Variants in DAB2IP observed in about 807,000 individuals in gnomAD.
DAB2IP encodes the protein disabled homolog 2-interacting protein.
In DAB2IP, 28 loss-of-function variants were observed where a neutral mutation model predicts 107.2. The observed-to-expected ratio is 0.26, with a 90% CI of 0.19 to 0.36. The LOEUF (loss-of-function observed/expected upper bound fraction) is 0.36. DAB2IP is among the 10% of genes least tolerant of loss of function. DAB2IP has a pLI of 1.00. For synonymous variants in DAB2IP, 755 were observed against 706.4 expected, an observed-to-expected ratio of 1.07 and a Z score of -1.09; for missense variants, 1,400 against 1,644.7, an observed-to-expected ratio of 0.85 and a Z score of 2.57.
chr9:121,726,482 T>G (rs1214310296), intron 3 of DAB2IP, among the ~76,000 whole-genome samples: 1 of 152,228 alleles, frequency 6.6e-6, no homozygotes, highest in Non-Finnish European at 1.5e-5. Context: ...GGAAACCCAG[T>G]TGATAGCCAG....
intron 1 of DAB2IP, among the ~76,000 whole-genome samples, chr9:121,604,657 G>A (rs1301294589): frequency 6.6e-6 from 1 of 152,082 alleles, no homozygotes; most frequent in Non-Finnish European, 1.5e-5. Flanking sequence ...ACCTCCATTT[G>A]TTCTCATTGC....
intron 3 of DAB2IP, among the ~76,000 whole-genome samples, chr9:121,712,935 A>G (rs1217309303): frequency 6.6e-6 from 1 of 152,110 alleles, no homozygotes; most frequent in Admixed American, 6.6e-5. Context: ...TCCCATCCAC[A>G]CCGGCACTCC....
chr9:121,748,092 G>A (rs1291884935), intron 3 of DAB2IP, among the ~76,000 whole-genome samples: 1 of 152,220 alleles, frequency 6.6e-6, no homozygotes, highest in Non-Finnish European at 1.5e-5. Flanking sequence ...ACAGGTGATG[G>A]TAGTGGTGTT....
At chr9:121,677,648 G>T (rs1207307882) in intron 1 of DAB2IP, among the ~76,000 whole-genome samples, 1 of 152,154 alleles carries the variant, frequency 6.6e-6, no homozygotes, top group East Asian at 1.9e-4. Flanking sequence ...AGGAGTGGGG[G>T]TTTTGGGGAA....
chr9:121,680,519 G>A (rs1156358510), intron 2 of DAB2IP, among the ~76,000 whole-genome samples: 2 of 152,118 alleles, frequency 1.3e-5, no homozygotes, highest in Non-Finnish European at 2.9e-5. Flanking sequence ...TGCAGGGAGC[G>A]CTTGGAGGCT....
intron 2 of DAB2IP, among the ~76,000 whole-genome samples, chr9:121,687,319 C>G (rs79323217): frequency 0.11 from 17,192 of 152,182 alleles, 2,503 homozygotes; most frequent in African/African-American, 0.34. Context: ...GTCAGGGACA[C>G]TGGATGGAAC....
chr9:121,631,102 C>T (rs1175648280), intron 1 of DAB2IP, among the ~76,000 whole-genome samples: 2 of 152,156 alleles, frequency 1.3e-5, no homozygotes, highest in Non-Finnish European at 2.9e-5. Flanking sequence ...CTGCACTGGG[C>T]AAGGCTGCTC....
chr9:121,626,271 A>C (rs559559769), intron 1 of DAB2IP, among the ~76,000 whole-genome samples: 1 of 152,102 alleles, frequency 6.6e-6, no homozygotes, highest in East Asian at 1.9e-4. Flanking sequence ...AGATATATTC[A>C]GGACACAGAC....
At position 121,759,867 on chromosome 9, in the gene DAB2IP, AC is replaced by A. The variant is rs1218884294; in HGVS notation, c.616-13del. 1 of 1,599,900 alleles carries A rather than the reference AC, an allele frequency of 6.3e-7. No homozygotes were observed. The highest frequency in any genetic ancestry group is 8.5e-7 in the Non-Finnish European group (1 of 1,171,412). On this transcript the variant is annotated splice_polypyrimidine_tract_variant and intron_variant, in intron 5 of 15. Coordinates refer to ENST00000408936, the Ensembl canonical transcript of DAB2IP. ...TGGCACCCCCAGCTGACCACCCTGG[AC>A]CCCCGTGCACATACAGGACAACAGC...
At chr9:121,665,705 C>G (rs1225314406) in intron 1 of DAB2IP, among the ~76,000 whole-genome samples, 1 of 152,186 alleles carries the variant, frequency 6.6e-6, no homozygotes, top group African/African-American at 2.4e-5. Context: ...TCGCATATGT[C>G]TTTTGATAAA....
At chr9:121,613,374 A>G (rs977973438) in intron 1 of DAB2IP, among the ~76,000 whole-genome samples, 2 of 152,184 alleles carry the variant, frequency 1.3e-5, no homozygotes, top group Non-Finnish European at 2.9e-5. Context: ...AGGGATTTTT[A>G]AAGTATTTAT....
intron 3 of DAB2IP, among the ~76,000 whole-genome samples, chr9:121,748,038 C>G (rs1273611112): frequency 1.3e-5 from 2 of 152,076 alleles, no homozygotes; most frequent in East Asian, 3.9e-4. Flanking sequence ...GAGCTTTGGC[C>G]CAAGTCACCC....
intron 4 of DAB2IP, among the ~76,000 whole-genome samples, chr9:121,758,394 A>G (rs139546350): frequency 1.3e-5 from 2 of 152,270 alleles, no homozygotes; most frequent in Non-Finnish European, 2.9e-5. Context: ...GGCTTATATT[A>G]CCATTGTTGT....
chr9:121,759,785 G>A (rs1236114876), intron 5 of DAB2IP, 100 bp from the exon 6 acceptor site: 8 of 1,128,484 alleles, frequency 7.1e-6, no homozygotes, highest in Non-Finnish European at 1.0e-5. Context: ...TCCACCTTCA[G>A]AGCTCCTCCT....
At chr9:121,720,815 C>T (rs1409018035) in intron 3 of DAB2IP, among the ~76,000 whole-genome samples, 1 of 152,194 alleles carries the variant, frequency 6.6e-6, no homozygotes, top group Non-Finnish European at 1.5e-5. Context: ...TCTTCCACTA[C>T]CAAGGACCTG....
chr9:121,781,053 G>A lies in DAB2IP; in HGVS notation c.3315-411G>A, dbSNP rs144877018. Among the ~76,000 whole-genome samples, 810 of 152,314 alleles carry A rather than the reference G, an allele frequency of 5.3e-3. 4 individuals carry two copies. Among genetic ancestry groups the A allele is most frequent in the Admixed American group, 0.011 (166 of 15,302 alleles). ...GAGTTCATTCATCTTGGCACCTCGC[G>A]TACAACTTTGTGAAGATGGCGGGGG... On this transcript the variant is annotated intron_variant, in intron 14 of 15. Coordinates refer to ENST00000408936, the Ensembl canonical transcript of DAB2IP.
At chr9:121,608,632 A>G (rs1006218810) in intron 1 of DAB2IP, among the ~76,000 whole-genome samples, 2 of 152,234 alleles carry the variant, frequency 1.3e-5, no homozygotes, top group African/African-American at 4.8e-5. Context: ...GATAGTGAAC[A>G]TAAAGCTGTA....
chr9:121,669,025 C>T (rs867246117), intron 1 of DAB2IP, among the ~76,000 whole-genome samples: 9 of 148,020 alleles, frequency 6.1e-5, no homozygotes, highest in South Asian at 2.1e-4. Flanking sequence ...AAGCAATTCT[C>T]GTGCGTCAGC....
intron 1 of DAB2IP, among the ~76,000 whole-genome samples, chr9:121,608,340 G>A (rs1830956777): frequency 6.6e-6 from 1 of 152,180 alleles, no homozygotes; most frequent in South Asian, 2.1e-4. Flanking sequence ...TGAGGTCTGT[G>A]TTTTATATTC....
Sources: gnomAD v4.1 joint callset for allele counts (sites outside exome capture counted in the v4.1 genomes callset) on GRCh38, gnomAD v4.1.1 for gene constraint, MANE v1.5 for transcripts, NCBI Gene and HGNC (gene_info 2026-07-23, HGNC 2026-07-21) for gene names.